P4HA3: variants seen among roughly 807,000 people sequenced by gnomAD.
P4HA3 encodes the protein prolyl 4-hydroxylase subunit alpha-3.
Under a neutral mutation model 66.7 loss-of-function variants are expected in P4HA3, and 60 were observed. The ratio of observed to expected loss-of-function variants is 0.90; its 90% CI spans 0.73 to 1.12. The LOEUF is 1.12. P4HA3 is among the 50% of genes most tolerant of loss of function. The pLI is 0.00. For synonymous variants in P4HA3, 263 were observed against 274.6 expected (o/e 0.96, Z 0.42); for missense variants, 683 against 685.8 (o/e 1.00, Z 0.05).
intron 9 of P4HA3, among the ~76,000 whole-genome samples, chr11:74,274,872 T>C (rs1437457484): frequency 1.3e-5 from 2 of 152,224 alleles, no homozygotes; most frequent in Non-Finnish European, 2.9e-5. Flanking sequence ...TATTTTATTG[T>C]AGCCATCATA....
At chr11:74,254,002 G>T (rs1859771416) in intron 15 of P4HA3, 1 of 159,184 alleles carries the variant, frequency 6.3e-6, no homozygotes, top group African/African-American at 2.4e-5. Context: ...TTTTATCCCA[G>T]TCGTACTCTT....
chr11:74,288,537 G>T (rs1273155876), intron 5 of P4HA3, among the ~76,000 whole-genome samples: 1 of 152,190 alleles, frequency 6.6e-6, no homozygotes, highest in Non-Finnish European at 1.5e-5. Context: ...AGAAGGAAGG[G>T]ACAGGTTGAT....
At chr11:74,277,437 T>C (rs910731543) in intron 8 of P4HA3, among the ~76,000 whole-genome samples, 4 of 152,146 alleles carry the variant, frequency 2.6e-5, no homozygotes, top group Non-Finnish European at 2.9e-5. Flanking sequence ...TGTAGAGACA[T>C]CTGAACAGAG....
chr11:74,300,762 C>T (rs986186854), intron 3 of P4HA3, among the ~76,000 whole-genome samples: 7 of 152,180 alleles, frequency 4.6e-5, no homozygotes, highest in African/African-American at 1.7e-4. Flanking sequence ...GGCGATACCA[C>T]TCCGAGGTAT....
rs1267785918 is a variant in P4HA3 at position 74,304,285 on chromosome 11, T to G, written c.328A>C (p.Ser110Arg). The change falls in exon 2 of 13, where the codon AGT (serine) becomes CGT (arginine). Residue 110 changes from serine to arginine, a missense_variant. Transcript: ENST00000331597. ...TCCTCATTACCTCGGATGTTCTCAC[T>G]GGCCTCCAGACTATGTACCACATTC... ...WRNVVHSLEA[S>R]ENIRALKDGY... is the part of the protein sequence containing the mutation. 1.2e-6 allele frequency: 2 copies of G among 1,613,886 alleles called. No homozygotes were observed. The highest frequency in any genetic ancestry group is 1.7e-6 in the Non-Finnish European group (2 of 1,179,878).
chr11:74,280,235 C>A (rs187277439), intron 7 of P4HA3, among the ~76,000 whole-genome samples: 368 of 152,052 alleles, frequency 2.4e-3, no homozygotes, highest in Admixed American at 4.2e-3. Flanking sequence ...CTCACTACAG[C>A]CTCCAACTCC....
intron 4 of P4HA3, among the ~76,000 whole-genome samples, chr11:74,294,884 C>G (rs1041594070): frequency 6.6e-6 from 1 of 152,160 alleles, no homozygotes; most frequent in Non-Finnish European, 1.5e-5. Context: ...TTAGGCTACT[C>G]GGGGGTAAGG....
chr11:74,264,813 A>G (rs998285708), downstream of P4HA3, among the ~76,000 whole-genome samples: 2 of 152,206 alleles, frequency 1.3e-5, no homozygotes, highest in African/African-American at 4.8e-5. Context: ...CCCAGCTTCC[A>G]GGGCTCTATC....
Position 74,266,836 on chromosome 11 carries a change from T to C in P4HA3, c.*412A>G, listed in dbSNP as rs1860003252. On this transcript the variant is annotated 3_prime_UTR_variant, in exon 13 of 13. Transcript: ENST00000331597. ...AGGCAGTGGGGAGAAAGTCTTAAAG[T>C]TCTGGGAGTCAGGCTAGCCCCTCCT... 1.7e-6 allele frequency: 1 copy of C among 601,218 alleles called. No individual in the cohort carries two copies. The highest frequency in any genetic ancestry group is 2.9e-5 in the East Asian group (1 of 33,954). 37.2% of individuals were successfully genotyped at this position (601,218 alleles called of 1,614,324 possible).
At chr11:74,268,084 C>A in intron 12 of P4HA3, 61 bp downstream of exon 12, 1 of 1,433,954 alleles carries the variant, frequency 7.0e-7, no homozygotes, top group South Asian at 1.2e-5. Flanking sequence ...CCACCCATCC[C>A]CTGTTTCACT....
chr11:74,253,530 C>G (rs562262558), intron 15 of P4HA3: 7 of 1,599,868 alleles, frequency 4.4e-6, no homozygotes, highest in Non-Finnish European at 6.0e-6. Context: ...GTCCACCCCT[C>G]CTCAACATCG....
chr11:74,263,632 T>C (rs563483492), downstream of P4HA3, among the ~76,000 whole-genome samples: 6 of 152,340 alleles, frequency 3.9e-5, no homozygotes, highest in African/African-American at 1.2e-4. Flanking sequence ...ATTTTGAGGC[T>C]TGAAGGAGAC....
In P4HA3 at chr11:74,268,203, A is replaced by G; in HGVS notation, c.1506T>C (p.Gly502=). 1 of 1,613,900 alleles carries G rather than the reference A, an allele frequency of 6.2e-7. No homozygotes were observed. The highest frequency in any genetic ancestry group is 8.5e-7 in the Non-Finnish European group (1 of 1,179,904). The change falls in exon 12 of 13, where the codon GGT becomes GGC. Residue 502 remains glycine, a synonymous_variant. Transcript: ENST00000331597. ...CATGAAGTGTGTCACTGTCCCCTTC[A>G]CCACTCCTGTGCAGGTTCCACCAAA... The part of the protein sequence containing the change: ...ALFWWNLHRS[G]EGDSDTLHAG...
intron 4 of P4HA3, among the ~76,000 whole-genome samples, chr11:74,289,814 G>T (rs1349342200): frequency 2.6e-5 from 4 of 151,980 alleles, no homozygotes; most frequent in African/African-American, 9.7e-5. Context: ...CCTGGTGTAT[G>T]TGCCATATTT....
chr11:74,277,464 G>A (rs976313329), intron 8 of P4HA3, among the ~76,000 whole-genome samples: 1 of 152,162 alleles, frequency 6.6e-6, no homozygotes, highest in Non-Finnish European at 1.5e-5. Flanking sequence ...GGGTACAGTG[G>A]GAAAAGCTTG....
intron 1 of P4HA3, among the ~76,000 whole-genome samples, chr11:74,306,397 A>G (rs1323549175): frequency 6.6e-6 from 1 of 152,198 alleles, no homozygotes; most frequent in Non-Finnish European, 1.5e-5. Flanking sequence ...TGGAATTTAT[A>G]TTACTGAAAT....
At chr11:74,298,995 C>T (rs936570329) in intron 3 of P4HA3, among the ~76,000 whole-genome samples, 12 of 152,314 alleles carry the variant, frequency 7.9e-5, no homozygotes, top group Admixed American at 7.8e-4. Context: ...TTCATTCATT[C>T]ATTTATTCAA....
Position 74,289,135 on chromosome 11 carries a change from T to TAA in P4HA3, c.718-7_718-6dup, listed in dbSNP as rs35776286. The stretch of plus-strand genomic sequence containing the variant: ...GGCACACGAAACATTTCCTGCCTGT[T>TAA]AAAAAAAAAAAAAAGAAAAGAAAGC... On this transcript the variant is annotated splice_polypyrimidine_tract_variant and splice_region_variant and intron_variant, in intron 4 of 12. Coordinates refer to ENST00000331597, the MANE Select transcript of P4HA3 (RefSeq NM_182904.5). 44,501 of 1,365,502 alleles carry TAA rather than the reference T, an allele frequency of 0.033. 133 individuals are homozygous for TAA. The highest frequency in any genetic ancestry group is 0.068 in the Middle Eastern group (342 of 5,042). The allele number at this position is 1,365,502 out of a possible 1,614,324, so 84.6% of individuals were successfully genotyped here. A position where few individuals can be genotyped will look rare whatever the true frequency, so the allele number is the denominator to read the frequency against.
intron 1 of P4HA3, among the ~76,000 whole-genome samples, chr11:74,306,666 A>T (rs1489361393): frequency 1.3e-5 from 2 of 152,190 alleles, no homozygotes; most frequent in Non-Finnish European, 2.9e-5. Context: ...TAGGATTTCA[A>T]CCCCTTGGAG....
Sources: gnomAD v4.1 joint callset for allele counts (sites outside exome capture counted in the v4.1 genomes callset) on GRCh38, gnomAD v4.1.1 for gene constraint, MANE v1.5 for transcripts, NCBI Gene and HGNC (gene_info 2026-07-23, HGNC 2026-07-21) for gene names.